The following GRIN2A variants were observed in gnomAD, a reference collection of about 807,000 sequenced individuals.
The protein encoded by GRIN2A is glutamate ionotropic receptor NMDA type subunit 2A.
A neutral mutation model predicts 113.4 loss-of-function variants in GRIN2A; 22 were observed. The observed-to-expected ratio is 0.19, with a 90% CI of 0.14 to 0.28. The LOEUF is 0.28. Among genes scored for constraint, GRIN2A ranks in the 10% least tolerant of loss-of-function variants. GRIN2A has a pLI of 1.00. For synonymous variants in GRIN2A, 827 were observed against 738.4 expected, an observed-to-expected ratio of 1.12 and a Z score of -1.94; for missense variants, 1,502 against 1,887.0, an observed-to-expected ratio of 0.80 and a Z score of 3.78.
intron 2 of GRIN2A, among the ~76,000 whole-genome samples, chr16:10,043,259 A>G (rs1413364346): frequency 1.3e-5 from 2 of 152,194 alleles, no homozygotes; most frequent in Middle Eastern, 3.2e-3. Context: ...TTCCTAGGTC[A>G]CATAGCTAGT....
rs1900620623 is a variant in GRIN2A at position 9,762,306 on chromosome 16, A to G, written c.*843T>C. On this transcript the variant is annotated 3_prime_UTR_variant, in exon 13 of 13. Coordinates refer to ENST00000330684, the MANE Select transcript of GRIN2A (RefSeq NM_001134407.3). ...CATAGGCGTCTTCGGGATAAACTAC[A>G]ATGGCCACTGTGTCACAGACAGAAG... 1 of 226,024 alleles carries G rather than the reference A, an allele frequency of 4.4e-6. No homozygotes were observed. The highest frequency in any genetic ancestry group is 8.8e-6 in the Non-Finnish European group (1 of 113,364). The allele number at this position is 226,024 out of a possible 1,614,324, so 14.0% of individuals were successfully genotyped here. A position where few individuals can be genotyped will look rare whatever the true frequency, so the allele number is the denominator to read the frequency against.
intron 2 of GRIN2A, among the ~76,000 whole-genome samples, chr16:10,050,531 C>T (rs1247437362): frequency 6.6e-6 from 1 of 151,886 alleles, no homozygotes; most frequent in Non-Finnish European, 1.5e-5. Flanking sequence ...TTATGAGAAT[C>T]TAATGCCTGT....
rs1006946588 is a variant in GRIN2A, at chr16:10,111,393, T to C, written c.414+68605A>G. ...GGCCTTGCGGCAGCATGGCGAACCATCTGATCAGTGGCGGCACCGGCTACG... is the reference window on the plus strand; with the variant it reads ...GGCCTTGCGGCAGCATGGCGAACCACCTGATCAGTGGCGGCACCGGCTACG... On this transcript the variant is annotated intron_variant, in intron 2 of 12. Transcript: ENST00000330684. The C allele has an allele frequency of 1.6e-5, 8 of 491,906 alleles. No homozygotes were observed. The Admixed American group carries it at 1.8e-4, about 11-fold the overall frequency. The allele number at this position is 491,906 out of a possible 1,614,324, so 30.5% of individuals were successfully genotyped here. A position where few individuals can be genotyped will look rare whatever the true frequency, so the allele number is the denominator to read the frequency against.
intron 2 of GRIN2A, among the ~76,000 whole-genome samples, chr16:9,991,389 C>G (rs2046109756): frequency 6.6e-6 from 1 of 152,184 alleles, no homozygotes; most frequent in African/African-American, 2.4e-5. Context: ...GATATGATTT[C>G]AAGTTGCAAT....
At chr16:9,837,374 T>C (rs2042598961) in intron 7 of GRIN2A, among the ~76,000 whole-genome samples, 1 of 151,996 alleles carries the variant, frequency 6.6e-6, no homozygotes, top group African/African-American at 2.4e-5. Context: ...TTTAGCAAAA[T>C]ACTTGACATT....
chr16:9,785,445 G>T (rs1478850758), intron 11 of GRIN2A, among the ~76,000 whole-genome samples: 3 of 112,966 alleles, frequency 2.7e-5, no homozygotes, highest in Non-Finnish European at 5.2e-5. Context: ...GTTGTGGGGT[G>T]GGGGGAGGGG....
At chr16:10,060,164 A>G (rs2047526419) in intron 2 of GRIN2A, among the ~76,000 whole-genome samples, 1 of 152,178 alleles carries the variant, frequency 6.6e-6, no homozygotes, top group Non-Finnish European at 1.5e-5. Flanking sequence ...GTCCTTGCAT[A>G]TAGAACAGAG....
chr16:9,964,262 G>T (rs1281460772), intron 2 of GRIN2A, among the ~76,000 whole-genome samples: 3 of 152,164 alleles, frequency 2.0e-5, no homozygotes, highest in Non-Finnish European at 2.9e-5. Context: ...TACAAGTGTG[G>T]CCCTGGAACC....
intron 2 of GRIN2A, among the ~76,000 whole-genome samples, chr16:10,155,987 A>G (rs1486754651): frequency 6.6e-6 from 1 of 152,190 alleles, no homozygotes; most frequent in Non-Finnish European, 1.5e-5. Context: ...AAGGACTTCA[A>G]AAGAAGGGGC....
chr16:10,063,422 C>T (rs567750996), intron 2 of GRIN2A, among the ~76,000 whole-genome samples: 57 of 152,260 alleles, frequency 3.7e-4, no homozygotes, highest in Non-Finnish European at 4.9e-4. Flanking sequence ...GCATGAGCCC[C>T]GCCTAGCCAT....
At chr16:9,840,596 T>A in intron 7 of GRIN2A, 51 bp downstream of exon 7, 1 of 1,558,144 alleles carries the variant, frequency 6.4e-7, no homozygotes, top group Non-Finnish European at 8.9e-7. Context: ...GCAAACAAGA[T>A]TTCCTACAAT....
At chr16:9,924,042 T>C (rs950689900) in intron 3 of GRIN2A, among the ~76,000 whole-genome samples, 6 of 133,490 alleles carry the variant, frequency 4.5e-5, no homozygotes, top group Non-Finnish European at 9.1e-5. Flanking sequence ...CAGGAGAAGG[T>C]GGAGGTTGTA....
chr16:9,785,267 T>C (rs1902168284), intron 11 of GRIN2A, among the ~76,000 whole-genome samples: 1 of 151,892 alleles, frequency 6.6e-6, no homozygotes, highest in African/African-American at 2.4e-5. Flanking sequence ...CCATAAAAAA[T>C]GATGAATTCA....
At chr16:10,070,918 C>G (rs2047737483) in intron 2 of GRIN2A, among the ~76,000 whole-genome samples, 1 of 152,168 alleles carries the variant, frequency 6.6e-6, no homozygotes, top group Non-Finnish European at 1.5e-5. Flanking sequence ...TCCTCTCCTC[C>G]TCTCCCTATT....
intron 4 of GRIN2A, among the ~76,000 whole-genome samples, chr16:9,875,559 C>A (rs2043347504): frequency 6.6e-6 from 1 of 152,130 alleles, no homozygotes; most frequent in Non-Finnish European, 1.5e-5. Flanking sequence ...AGATGTTATT[C>A]CTGTCTGTTC....
chr16:9,899,398 C>A (rs368882940), intron 3 of GRIN2A, among the ~76,000 whole-genome samples: 1 of 134,624 alleles, frequency 7.4e-6, no homozygotes, highest in African/African-American at 3.0e-5. Context: ...GGAGATCGCA[C>A]CATTGCACTC....
chr16:9,769,135 AC>A, intron 11 of GRIN2A, 46 bp from the exon 12 acceptor site: 1 of 1,417,962 alleles, frequency 7.1e-7, no homozygotes, highest in Non-Finnish European at 1.0e-6. Context: ...CAGAACATGC[AC>A]TTTGGGGCAG....
chr16:9,902,091 A>T (rs150480521), intron 3 of GRIN2A, among the ~76,000 whole-genome samples: 67 of 145,152 alleles, frequency 4.6e-4, no homozygotes, highest in Non-Finnish European at 7.5e-4. Context: ...GGGTCAAGAG[A>T]CTTCTGGTTG....
At chr16:9,858,816 G>A (rs991010305) in intron 4 of GRIN2A, among the ~76,000 whole-genome samples, 10 of 152,136 alleles carry the variant, frequency 6.6e-5, no homozygotes, top group East Asian at 3.9e-4. Context: ...TCTTATGTCC[G>A]GATAAATTCA....
Sources: allele counts gnomAD v4.1 joint callset (sites outside exome capture counted in the v4.1 genomes callset), GRCh38; gene constraint gnomAD v4.1.1; transcripts MANE v1.5; gene names NCBI Gene and HGNC (gene_info 2026-07-23, HGNC 2026-07-21).